Variants in VMP1 observed in about 807,000 individuals in gnomAD.
VMP1 encodes the protein ectopic P-granules autophagy protein 3 homolog.
A neutral mutation model predicts 56.0 loss-of-function variants in VMP1; 11 were observed. The observed-to-expected ratio is 0.20, with a 90% confidence interval of 0.12 to 0.32. The LOEUF is 0.32. VMP1 is among the 10% of genes least tolerant of loss of function. The pLI, the probability that VMP1 is intolerant of heterozygous loss-of-function variation, is 1.00. For missense variants in VMP1, 296 were observed against 490.3 expected (o/e 0.60, Z 3.74); for synonymous variants, 149 against 165.0 (o/e 0.90, Z 0.74).
chr17:59,833,482 C>T (rs1250257586), intron 10 of VMP1, among the ~76,000 whole-genome samples: 1 of 151,926 alleles, frequency 6.6e-6, no homozygotes, highest in Non-Finnish European at 1.5e-5. Context: ...AGTGAGACTC[C>T]ATCTCTACAA....
intron 5 of VMP1, among the ~76,000 whole-genome samples, chr17:59,746,150 G>A (rs965988443): frequency 1.3e-4 from 20 of 152,064 alleles, no homozygotes; most frequent in African/African-American, 4.3e-4. Flanking sequence ...AAATTTATCC[G>A]TAAACAGTTT....
At chr17:59,790,407 T>G (rs895475034) in intron 7 of VMP1, among the ~76,000 whole-genome samples, 2 of 152,196 alleles carry the variant, frequency 1.3e-5, no homozygotes, top group African/African-American at 4.8e-5. Context: ...AAACTTTGTA[T>G]TTTTACTACT....
At chr17:59,712,453 G>T (rs780330359) in intron 1 of VMP1, among the ~76,000 whole-genome samples, 1 of 152,158 alleles carries the variant, frequency 6.6e-6, no homozygotes, top group African/African-American at 2.4e-5. Context: ...GTTTCATGAT[G>T]TCTTTTAGCA....
At chr17:59,792,392 C>CT (rs1405183704) in intron 7 of VMP1, among the ~76,000 whole-genome samples, 1 of 152,162 alleles carries the variant, frequency 6.6e-6, no homozygotes, top group East Asian at 1.9e-4. Context: ...AGTTTCCTGT[C>CT]TCTGACAGTT....
chr17:59,835,262 G>A (rs1008484216), intron 10 of VMP1, among the ~76,000 whole-genome samples: 11 of 151,318 alleles, frequency 7.3e-5, no homozygotes, highest in Non-Finnish European at 1.5e-4. Flanking sequence ...CCGAGTAGCT[G>A]GGATTACAGG....
intron 5 of VMP1, among the ~76,000 whole-genome samples, chr17:59,743,537 T>G (rs1598324762): frequency 1.3e-5 from 2 of 151,456 alleles, no homozygotes; most frequent in East Asian, 1.9e-4. Flanking sequence ...TGTTCCTGTT[T>G]GGCAATTATT....
chr17:59,739,177 G>C (rs1249187186), intron 5 of VMP1, among the ~76,000 whole-genome samples: 2 of 152,086 alleles, frequency 1.3e-5, no homozygotes, highest in East Asian at 3.8e-4. Context: ...AAATAAGGTT[G>C]TTTATTTAAA....
At chr17:59,812,045 T>A (rs2665402) in intron 9 of VMP1, among the ~76,000 whole-genome samples, 65,692 of 151,218 alleles carry the variant, frequency 0.43, 16,847 homozygotes, top group African/African-American at 0.72. Context: ...TTGTCCTGTT[T>A]AACTATTTAT....
chr17:59,761,911 A>C (rs1232174107), intron 5 of VMP1, among the ~76,000 whole-genome samples: 1 of 151,948 alleles, frequency 6.6e-6, no homozygotes, highest in Non-Finnish European at 1.5e-5. Flanking sequence ...GTGAACCCCA[A>C]TCTCATTCTC....
intron 7 of VMP1, among the ~76,000 whole-genome samples, chr17:59,791,388 A>C (rs906499096): frequency 2.0e-5 from 3 of 151,218 alleles, no homozygotes; most frequent in Non-Finnish European, 4.4e-5. Flanking sequence ...ACGGGGTTTT[A>C]GTATGTTGGC....
At chr17:59,750,397 G>A (rs947004912) in intron 5 of VMP1, among the ~76,000 whole-genome samples, 2 of 151,718 alleles carry the variant, frequency 1.3e-5, no homozygotes, top group African/African-American at 4.8e-5. Context: ...TGCCTCCTGG[G>A]TTCAGGTGAT....
At chr17:59,774,487 G>T (rs1044537658) in intron 7 of VMP1, among the ~76,000 whole-genome samples, 2 of 151,978 alleles carry the variant, frequency 1.3e-5, no homozygotes, top group African/African-American at 4.8e-5. Flanking sequence ...TTCCTCCCTT[G>T]AAAGCAGCTT....
chr17:59,831,782 A>T (rs575479642), intron 10 of VMP1, among the ~76,000 whole-genome samples: 161 of 112,572 alleles, frequency 1.4e-3, no homozygotes, highest in Admixed American at 9.8e-3. Context: ...AAAAAAAAAA[A>T]TTTTATTTGC....
intron 8 of VMP1, among the ~76,000 whole-genome samples, chr17:59,810,723 A>G (rs564048430): frequency 6.6e-6 from 1 of 152,234 alleles, no homozygotes; most frequent in Non-Finnish European, 1.5e-5. Flanking sequence ...TAATTTAGTC[A>G]TGTCTTTTTT....
chr17:59,723,995 T>C (rs1477659605), intron 1 of VMP1, among the ~76,000 whole-genome samples: 1 of 152,104 alleles, frequency 6.6e-6, no homozygotes, highest in Non-Finnish European at 1.5e-5. Context: ...GGGGATCACT[T>C]GAGCCCAGGA....
chr17:59,775,668 G>C (rs2036595239), intron 7 of VMP1, among the ~76,000 whole-genome samples: 1 of 152,186 alleles, frequency 6.6e-6, no homozygotes, highest in Admixed American at 6.5e-5. Flanking sequence ...CTATTCAGCA[G>C]TTCAGACTTG....
At chr17:59,762,667 G>A (rs1568100427) in intron 5 of VMP1, among the ~76,000 whole-genome samples, 2 of 152,036 alleles carry the variant, frequency 1.3e-5, no homozygotes, top group East Asian at 1.9e-4. Flanking sequence ...TGCCTCAAAG[G>A]CTGAGTAATC....
At chr17:59,800,096 A>G (rs1012998714) in intron 7 of VMP1, among the ~76,000 whole-genome samples, 1 of 152,186 alleles carries the variant, frequency 6.6e-6, no homozygotes, top group Non-Finnish European at 1.5e-5. Flanking sequence ...ATATTTTTAA[A>G]ATAACTCAAA....
intron 7 of VMP1, among the ~76,000 whole-genome samples, chr17:59,788,774 C>A (rs1161652167): frequency 1.3e-5 from 2 of 149,328 alleles, no homozygotes; most frequent in African/African-American, 5.0e-5. Context: ...CCACTGCACT[C>A]CAGCCTGGGC....
Sources: gnomAD v4.1 joint callset for allele counts (sites outside exome capture counted in the v4.1 genomes callset) on GRCh38, gnomAD v4.1.1 for gene constraint, MANE v1.5 for transcripts, NCBI Gene and HGNC (gene_info 2026-07-23, HGNC 2026-07-21) for gene names.